Variants in OSMR observed in about 807,000 individuals in gnomAD.
OSMR encodes the protein oncostatin-M-specific receptor subunit beta.
A neutral mutation model predicts 99.9 loss-of-function variants in OSMR; 81 were observed. That is an observed-to-expected ratio of 0.81 (90% CI 0.68 to 0.97). The LOEUF (loss-of-function observed/expected upper bound fraction) is 0.97, where lower values mean the gene tolerates loss of function less well. OSMR is among the 50% of genes least tolerant of loss of function. The pLI is 0.00. For missense variants in OSMR, 1,099 were observed against 1,153.4 expected, an observed-to-expected ratio of 0.95 and a Z score of 0.68; for synonymous variants, 406 against 410.4, an observed-to-expected ratio of 0.99 and a Z score of 0.13.
intron 9 of OSMR, among the ~76,000 whole-genome samples, chr5:38,907,934 C>A (rs1035358541): frequency 2.6e-5 from 4 of 152,124 alleles, no homozygotes; most frequent in Admixed American, 6.5e-5. Context: ...GGCCCTGCCT[C>A]CCCTGGTGCT....
At chr5:38,853,685 C>A (rs1561329044) in intron 1 of OSMR, among the ~76,000 whole-genome samples, 1 of 152,120 alleles carries the variant, frequency 6.6e-6, no homozygotes, top group African/African-American at 2.4e-5. Context: ...CTTCATTTAC[C>A]TTTTAGAGAC....
chr5:38,931,836 A>G, intron 15 of OSMR, 47 bp from the exon 16 acceptor site: 1 of 1,586,536 alleles, frequency 6.3e-7, no homozygotes, highest in Non-Finnish European at 8.6e-7. Context: ...CCTTTGAGGA[A>G]GGGAAAAGTA....
intron 2 of OSMR, among the ~76,000 whole-genome samples, chr5:38,874,838 GCTGT>G (rs1245215394): frequency 6.6e-6 from 1 of 152,152 alleles, no homozygotes; most frequent in Non-Finnish European, 1.5e-5. Flanking sequence ...CTAAAAAATT[GCTGT>G]CTAACAGTTT....
intron 9 of OSMR, among the ~76,000 whole-genome samples, chr5:38,905,533 C>T (rs1745172211): frequency 6.6e-6 from 1 of 151,998 alleles, no homozygotes; most frequent in South Asian, 2.1e-4. Flanking sequence ...GTGAGCCATA[C>T]ATAGCTCGAA....
chr5:38,904,241 C>T, intron 8 of OSMR, 112 bp from the exon 9 acceptor site: 1 of 1,543,842 alleles, frequency 6.5e-7, no homozygotes, highest in Non-Finnish European at 8.7e-7. Flanking sequence ...TGATCTTACT[C>T]CAGGTCAGGA....
intron 1 of OSMR, chr5:38,941,154 C>T (rs1747523821): frequency 4.3e-6 from 1 of 232,782 alleles, no homozygotes; most frequent in Non-Finnish European, 8.5e-6. Flanking sequence ...CCCTCATCAA[C>T]TTAACTTCAC....
At chr5:38,940,154 A>C (rs201172969), downstream of OSMR, 3,519 of 221,138 alleles carry the variant, frequency 0.016, 79 homozygotes, top group African/African-American at 0.055. Flanking sequence ...AAAAAAAAAA[A>C]CACAAAACAT....
At chr5:38,927,572 C>T (rs1746528099) in intron 15 of OSMR, among the ~76,000 whole-genome samples, 1 of 152,164 alleles carries the variant, frequency 6.6e-6, no homozygotes, top group Non-Finnish European at 1.5e-5. Flanking sequence ...GGCACCATGT[C>T]CTGAGGCGGC....
At chr5:38,881,806 A>AT (rs1445701161) in intron 4 of OSMR, 42 bp downstream of exon 4, 1 of 1,524,880 alleles carries the variant, frequency 6.6e-7, no homozygotes, top group South Asian at 1.1e-5. Flanking sequence ...GGGTTAATAT[A>AT]TTTTTTAATG....
chr5:38,932,183 T>G (rs1240965349), intron 16 of OSMR, among the ~76,000 whole-genome samples: 1 of 152,204 alleles, frequency 6.6e-6, no homozygotes, highest in Non-Finnish European at 1.5e-5. Flanking sequence ...ACCACAAAAT[T>G]TTTTCAACAG....
downstream of OSMR, among the ~76,000 whole-genome samples, chr5:38,936,879 G>A (rs1747071177): frequency 6.6e-6 from 1 of 152,096 alleles, no homozygotes; most frequent in South Asian, 2.1e-4. Flanking sequence ...GTATATTTTA[G>A]TTTCTTAAAA....
chr5:38,910,369 AATGGGCTT>A (rs1340870485), intron 9 of OSMR, among the ~76,000 whole-genome samples: 6 of 152,140 alleles, frequency 3.9e-5, no homozygotes, highest in Non-Finnish European at 8.8e-5. Context: ...CACTTGACAA[AATGGGCTT>A]ACAGAACTCT....
chr5:38,893,813 A>G (rs1744313025), intron 7 of OSMR, among the ~76,000 whole-genome samples: 1 of 152,220 alleles, frequency 6.6e-6, no homozygotes, highest in South Asian at 2.1e-4. Flanking sequence ...CCCAGATACA[A>G]GAAATCCAGA....
In OSMR at chr5:38,934,551, G is replaced by T. The variant is rs1053066719; in HGVS notation, c.*1107G>T. ...ACAACTGGTATTTTAGTACATGTTG[G>T]TTCTTTTGGTGCAATCTCAGCTCAC... On this transcript the variant is annotated 3_prime_UTR_variant, in exon 18 of 18. Coordinates refer to ENST00000274276, the MANE Select transcript of OSMR (RefSeq NM_003999.3). The T allele has an allele frequency of 4.6e-5, 7 of 152,034 alleles. No individual in the cohort carries two copies. The highest frequency in any genetic ancestry group is 1.7e-4 in the African/African-American group (7 of 41,376). 9.4% of individuals were successfully genotyped at this position (152,034 alleles called of 1,614,324 possible).
intron 7 of OSMR, among the ~76,000 whole-genome samples, chr5:38,895,601 C>A (rs750380734): frequency 3.3e-5 from 5 of 152,012 alleles, no homozygotes; most frequent in Non-Finnish European, 7.4e-5. Flanking sequence ...TTTGTCTCTT[C>A]ACTTTGTTGA....
chr5:38,881,964 T>C (rs1234506772), intron 4 of OSMR, among the ~76,000 whole-genome samples, 200 bp downstream of exon 4: 10 of 152,246 alleles, frequency 6.6e-5, no homozygotes. Flanking sequence ...CTCCTGAACT[T>C]ACTCATTGAG....
intron 12 of OSMR, among the ~76,000 whole-genome samples, 184 bp downstream of exon 12, chr5:38,921,978 C>T (rs1746258234): frequency 6.6e-6 from 1 of 152,158 alleles, no homozygotes; most frequent in African/African-American, 2.4e-5. Flanking sequence ...ACCTTTAAAT[C>T]TACTTTTGCA....
rs373418030 is a variant in OSMR at position 38,854,503 on chromosome 5, A to G, written c.-14+8116A>G. ...TTGATTAAGAAGTTCTACAAAATCA[A>G]TGGGTAATTTTTCTTTCCTTCTTTT... On this transcript the variant is annotated intron_variant, in intron 1 of 17. Coordinates refer to ENST00000274276, the MANE Select transcript of OSMR (RefSeq NM_003999.3). Among the ~76,000 whole-genome samples the G allele has an allele frequency of 7.2e-5, 11 of 152,352 alleles. No homozygotes were observed. In the South Asian group the frequency reaches 8.3e-4, roughly 11 times the overall value.
At chr5:38,850,026 A>G (rs1165170068) in intron 1 of OSMR, among the ~76,000 whole-genome samples, 1 of 152,216 alleles carries the variant, frequency 6.6e-6, no homozygotes, top group Non-Finnish European at 1.5e-5. Context: ...GGTAATAGGA[A>G]CCAGTAAATA....
Sources: gnomAD v4.1 joint callset for allele counts (sites outside exome capture counted in the v4.1 genomes callset) on GRCh38, gnomAD v4.1.1 for gene constraint, MANE v1.5 for transcripts, NCBI Gene and HGNC (gene_info 2026-07-23, HGNC 2026-07-21) for gene names.